The following BLTP1 variants were observed in gnomAD, a reference collection of about 807,000 sequenced individuals.
BLTP1 encodes the protein bridge-like lipid transfer protein family member 1.
chr4:122,180,025 TACAC>T, the BLTP1 span: 10,040 of 684,538 alleles, frequency 0.015, 1 homozygote, highest in Non-Finnish European at 0.016. Flanking sequence ...CACGTGCATG[TACAC>T]ACACACACAC....
chr4:122,359,541 T>C, the BLTP1 span: 3 of 1,605,640 alleles, frequency 1.9e-6, no homozygotes, highest in Non-Finnish European at 2.6e-6. Flanking sequence ...CATACTAATC[T>C]AAATTTTCCT....
the BLTP1 span, chr4:122,355,752 C>T: frequency 2.6e-6 from 4 of 1,533,588 alleles, no homozygotes; most frequent in Admixed American, 3.8e-5. Context: ...CTTGTCAATG[C>T]CTATTGTTTT....
At chr4:122,329,303 A>G in the BLTP1 span, among the ~76,000 whole-genome samples, 1 of 151,762 alleles carries the variant, frequency 6.6e-6, no homozygotes. Context: ...ATCTTCCAGC[A>G]TCCATATTCG....
At chr4:122,186,641 TTGTC>T in the BLTP1 span, among the ~76,000 whole-genome samples, 2 of 152,160 alleles carry the variant, frequency 1.3e-5, no homozygotes, top group East Asian at 1.9e-4. Context: ...ATGTAGCAGT[TTGTC>T]TGTAAGATTG....
At chr4:122,316,949 T>A in the BLTP1 span, 13 of 886,536 alleles carry the variant, frequency 1.5e-5, no homozygotes, top group Non-Finnish European at 2.2e-5. Context: ...GTATTTGGTC[T>A]AATACAAACT....
chr4:122,253,359 A>G, the BLTP1 span, among the ~76,000 whole-genome samples: 1 of 152,188 alleles, frequency 6.6e-6, no homozygotes, highest in Non-Finnish European at 1.5e-5. Context: ...GACCTTTCAG[A>G]CAAAGAATTC....
At chr4:122,322,047 T>G in the BLTP1 span, among the ~76,000 whole-genome samples, 5 of 143,534 alleles carry the variant, frequency 3.5e-5, no homozygotes, top group African/African-American at 1.3e-4. Flanking sequence ...TCTTTGAGCT[T>G]CCTCTATCTG....
At chr4:122,154,086 C>T in the BLTP1 span, 1 of 979,350 alleles carries the variant, frequency 1.0e-6, no homozygotes, top group East Asian at 1.2e-4. Context: ...AAAAACAGAA[C>T]GTTGCAAACT....
At chr4:122,281,558 A>G in the BLTP1 span, 1 of 1,600,996 alleles carries the variant, frequency 6.2e-7, no homozygotes, top group South Asian at 1.1e-5. Context: ...AAAAGAAGAT[A>G]TTGCAACCCC....
At chr4:122,189,705 A>G in the BLTP1 span, 1 of 908,326 alleles carries the variant, frequency 1.1e-6, no homozygotes. Flanking sequence ...GAAAAATATA[A>G]AACTAAATTT....
At chr4:122,216,338 C>T in the BLTP1 span, among the ~76,000 whole-genome samples, 1 of 152,166 alleles carries the variant, frequency 6.6e-6, no homozygotes, top group African/African-American at 2.4e-5. Flanking sequence ...TGGGAGTCTC[C>T]ATTCTGTTTT....
chr4:122,318,444 C>G, the BLTP1 span, among the ~76,000 whole-genome samples: 11 of 152,172 alleles, frequency 7.2e-5, no homozygotes, highest in Non-Finnish European at 1.5e-5. Flanking sequence ...GATGAAGAAA[C>G]TGAGACACAG....
the BLTP1 span, chr4:122,199,970 C>G: frequency 1.0e-6 from 1 of 968,554 alleles, no homozygotes; most frequent in Non-Finnish European, 1.2e-6. Context: ...ATTAATCAAG[C>G]AGATTATTAT....
the BLTP1 span, chr4:122,197,325 AAAT>A: frequency 4.0e-6 from 5 of 1,241,238 alleles, no homozygotes; most frequent in Non-Finnish European, 5.5e-6. Flanking sequence ...AAATAATTAT[AAAT>A]AATAAAGTTT....
At chr4:122,236,721 A>T in the BLTP1 span, 1 of 916,730 alleles carries the variant, frequency 1.1e-6, no homozygotes, top group Admixed American at 6.2e-5. Flanking sequence ...ACTGATGTGA[A>T]ATGAGGAAAA....
chr4:122,204,075 A>T, the BLTP1 span, among the ~76,000 whole-genome samples: 1 of 151,902 alleles, frequency 6.6e-6, no homozygotes, highest in East Asian at 1.9e-4. Flanking sequence ...TTCAAAACAA[A>T]CATTAAATAT....
At chr4:122,327,928 C>T in the BLTP1 span, 1 of 373,390 alleles carries the variant, frequency 2.7e-6, no homozygotes, top group Non-Finnish European at 4.6e-6. Flanking sequence ...CTGTGGTTGG[C>T]CCTTTTGCTT....
chr4:122,328,983 C>T, the BLTP1 span, among the ~76,000 whole-genome samples: 85 of 151,716 alleles, frequency 5.6e-4, no homozygotes, highest in Non-Finnish European at 8.3e-4. Context: ...AGAGTGTAAC[C>T]AAAAGCTGAT....
chr4:122,197,174 ATTAAT>A, the BLTP1 span: 1 of 956,652 alleles, frequency 1.0e-6, no homozygotes, highest in Non-Finnish European at 1.6e-6. Context: ...TTTTATATGA[ATTAAT>A]TTTTTTCTTT....
Sources: allele counts gnomAD v4.1 joint callset (sites outside exome capture counted in the v4.1 genomes callset), GRCh38; gene constraint gnomAD v4.1.1; transcripts MANE v1.5; gene names NCBI Gene and HGNC (gene_info 2026-07-23, HGNC 2026-07-21).